Variants in BTBD9 observed in about 807,000 individuals in gnomAD.
The protein encoded by BTBD9 is BTB domain containing 9.
Under a neutral mutation model 64.3 loss-of-function variants are expected in BTBD9, and 49 were observed. The ratio of observed to expected loss-of-function variants is 0.76; its 90% CI spans 0.61 to 0.97. The LOEUF (loss-of-function observed/expected upper bound fraction) is 0.97, where lower values mean the gene tolerates loss of function less well. BTBD9 is among the 50% of genes least tolerant of loss of function. The pLI, the probability that BTBD9 is intolerant of heterozygous loss-of-function variation, is 0.00. For missense variants in BTBD9, 598 were observed against 762.1 expected, an observed-to-expected ratio of 0.78 and a Z score of 2.53; for synonymous variants, 260 against 274.7, an observed-to-expected ratio of 0.95 and a Z score of 0.53.
At chr6:38,456,648 T>C (rs561854260) in intron 6 of BTBD9, among the ~76,000 whole-genome samples, 39 of 152,338 alleles carry the variant, frequency 2.6e-4, no homozygotes, top group South Asian at 1.2e-3. Context: ...GGTTGCCATC[T>C]GGATATCTTT....
chr6:38,592,722 T>G lies in BTBD9; in HGVS notation c.668A>C (p.Gln223Pro). 2.5e-6 allele frequency: 4 copies of G among 1,614,218 alleles called. No homozygotes were observed. Among genetic ancestry groups the G allele is most frequent in the Non-Finnish European group, 3.4e-6 (4 of 1,180,032 alleles). ...GCTCATGAGAGGTAAACGCACAGCCTGCATGATTTCAGCATGATTCTCCTT... is the reference window on the plus strand; with the variant it reads ...GCTCATGAGAGGTAAACGCACAGCCGGCATGATTTCAGCATGATTCTCCTT... ...NSKENHAEIM[Q>P]AVRLPLMSLT... Residue 223 changes from glutamine to proline, a missense_variant, in exon 4 of 11, where the codon CAG becomes CCG. Coordinates refer to ENST00000481247, the MANE Select transcript of BTBD9 (RefSeq NM_001099272.2).
Position 38,471,227 on chromosome 6 carries a change from G to A in BTBD9, c.1154+106373C>T, listed in dbSNP as rs1040103253. On this transcript the variant is annotated intron_variant, in intron 6 of 10. Transcript: ENST00000481247. ...AAGTGATAAAAGCTCAGCTCTGGGT[G>A]ACCTAACTGGCAACTAACATCAGTC... Among the ~76,000 whole-genome samples, 5 of 152,146 alleles carry A rather than the reference G, an allele frequency of 3.3e-5. No individual in the cohort carries two copies. In the East Asian group the frequency reaches 9.6e-4, roughly 29 times the overall value.
At chr6:38,427,772 T>C (rs1215858404) in intron 6 of BTBD9, among the ~76,000 whole-genome samples, 1 of 152,004 alleles carries the variant, frequency 6.6e-6, no homozygotes, top group African/African-American at 2.4e-5. Context: ...ATGAATTGCA[T>C]TCTCTTAGGT....
intron 6 of BTBD9, among the ~76,000 whole-genome samples, chr6:38,512,506 G>A (rs1772820389): frequency 6.6e-6 from 1 of 152,200 alleles, no homozygotes; most frequent in Non-Finnish European, 1.5e-5. Flanking sequence ...AAGGGTGGGA[G>A]CTTGCTGACC....
intron 7 of BTBD9, among the ~76,000 whole-genome samples, chr6:38,342,483 G>A (rs928110010): frequency 6.8e-6 from 1 of 146,250 alleles, no homozygotes. Context: ...TTGCAGTGAG[G>A]CAAGATTGTG....
chr6:38,487,921 C>T lies in BTBD9; in HGVS notation c.1154+89679G>A, dbSNP rs183466619. ...GAAATTTTTATTATCTGGTCCTTTA[C>T]CAAAAACATTTGTTGACCTCTGCTC... On this transcript the variant is annotated intron_variant, in intron 6 of 10. Transcript: ENST00000481247. 7.9e-5 allele frequency among the ~76,000 whole-genome samples: 12 copies of T among 152,208 alleles called. No individual in the cohort carries two copies. The East Asian group carries it at 2.1e-3, about 27-fold the overall frequency.
intron 6 of BTBD9, among the ~76,000 whole-genome samples, chr6:38,537,268 A>G (rs548355027): frequency 6.0e-4 from 91 of 152,344 alleles, no homozygotes; most frequent in Non-Finnish European, 7.5e-4. Context: ...AAATGAACAA[A>G]GGCATCAGAC....
At chr6:38,611,968 C>T (rs957013015) in intron 1 of BTBD9, among the ~76,000 whole-genome samples, 30 of 152,270 alleles carry the variant, frequency 2.0e-4, no homozygotes, top group African/African-American at 7.0e-4. Flanking sequence ...TTCCAACTGT[C>T]AAGTCTATAA....
chr6:38,594,602 G>C (rs1776960389), intron 2 of BTBD9, among the ~76,000 whole-genome samples: 1 of 152,120 alleles, frequency 6.6e-6, no homozygotes, highest in Non-Finnish European at 1.5e-5. Context: ...AAAGATGAGA[G>C]TGATCTTTTG....
intron 7 of BTBD9, among the ~76,000 whole-genome samples, chr6:38,307,123 C>T (rs1651477593): frequency 6.6e-6 from 1 of 152,148 alleles, no homozygotes; most frequent in South Asian, 2.1e-4. Context: ...AGTGGCCTAG[C>T]CCCAGGCCTA....
intron 7 of BTBD9, among the ~76,000 whole-genome samples, chr6:38,293,148 C>T (rs1762024870): frequency 6.6e-6 from 1 of 151,938 alleles, no homozygotes; most frequent in Non-Finnish European, 1.5e-5. Context: ...TTCTCCACTG[C>T]TCAAGGAAAT....
At chr6:38,472,099 T>C (rs1770675850) in intron 6 of BTBD9, among the ~76,000 whole-genome samples, 1 of 152,176 alleles carries the variant, frequency 6.6e-6, no homozygotes, top group African/African-American at 2.4e-5. Context: ...ATAAATCCCA[T>C]CCTGCAGGGA....
rs1761739041 is a variant in BTBD9, at chr6:38,184,689, G to T, written c.1641+7830C>A. Among the ~76,000 whole-genome samples, 2 of 152,196 alleles carry T rather than the reference G, an allele frequency of 1.3e-5. No homozygotes were observed. ...ATGCTGCCGGGGAAATCCTCGGGGG[G>T]CCAGAGAGAGTGGAATCAGACCTGG... On this transcript the variant is annotated intron_variant, in intron 10 of 10. Transcript: ENST00000481247. This position sits in a 1 kb window ranked among gnomAD's most constrained non-coding sequence, Gnocchi z 4.4.
intron 6 of BTBD9, among the ~76,000 whole-genome samples, chr6:38,510,028 A>G (rs1280399477): frequency 6.6e-6 from 1 of 152,230 alleles, no homozygotes; most frequent in African/African-American, 2.4e-5. Context: ...GTCTCCCAGC[A>G]CTAGCACCAC....
chr6:38,630,232 A>T (rs1778316905), intron 1 of BTBD9, among the ~76,000 whole-genome samples: 1 of 152,006 alleles, frequency 6.6e-6, no homozygotes, highest in Non-Finnish European at 1.5e-5. Context: ...ACCAAAAGAA[A>T]AAAAGAAAAA....
chr6:38,577,330 T>C (rs1776089393), intron 6 of BTBD9, among the ~76,000 whole-genome samples: 1 of 152,218 alleles, frequency 6.6e-6, no homozygotes, highest in Non-Finnish European at 1.5e-5. Flanking sequence ...AGCATTCCAC[T>C]TCTCAAATGT....
intron 6 of BTBD9, among the ~76,000 whole-genome samples, chr6:38,564,072 A>G (rs547448388): frequency 3.0e-4 from 45 of 152,098 alleles, no homozygotes; most frequent in African/African-American, 9.1e-4. Context: ...GTGAGCCACC[A>G]CACCTGGCCT....
chr6:38,190,485 A>AG, intron 10 of BTBD9, among the ~76,000 whole-genome samples: 1 of 151,668 alleles, frequency 6.6e-6, no homozygotes, highest in Non-Finnish European at 1.5e-5. Context: ...AAAAAAAAAA[A>AG]AAAAAGATGT....
At chr6:38,319,923 G>C (rs1763168683) in intron 7 of BTBD9, among the ~76,000 whole-genome samples, 1 of 152,122 alleles carries the variant, frequency 6.6e-6, no homozygotes, top group Non-Finnish European at 1.5e-5. Flanking sequence ...GAATCCCAGA[G>C]CACTTTGCCC....
Sources: gnomAD v4.1 joint callset for allele counts (sites outside exome capture counted in the v4.1 genomes callset) on GRCh38, gnomAD v4.1.1 for gene constraint, Gnocchi (gnomAD v3.1) non-coding constraint, MANE v1.5 for transcripts, NCBI Gene and HGNC (gene_info 2026-07-23, HGNC 2026-07-21) for gene names.